FNIP2: variants seen among roughly 807,000 people sequenced by gnomAD.
FNIP2 encodes folliculin interacting protein 2.
FNIP2 carries 32 observed loss-of-function variants against 108.7 expected under a neutral mutation model. That is an observed-to-expected ratio of 0.29 (90% CI 0.22 to 0.40). FNIP2 has a LOEUF of 0.40. Among genes scored for constraint, FNIP2 ranks in the 10% least tolerant of loss-of-function variants. The pLI, the probability that FNIP2 is intolerant of heterozygous loss-of-function variation, is 1.00. For missense variants in FNIP2, 1,202 were observed against 1,381.6 expected, an observed-to-expected ratio of 0.87 and a Z score of 2.06; for synonymous variants, 480 against 496.7, an observed-to-expected ratio of 0.97 and a Z score of 0.45.
chr4:158,829,646 T>C (rs141512491), intron 3 of FNIP2, among the ~76,000 whole-genome samples: 95 of 152,144 alleles, frequency 6.2e-4, no homozygotes, highest in African/African-American at 2.2e-3. Context: ...CAGAAAGAAA[T>C]GGCAAGATCT....
At position 158,881,430 on chromosome 4, in the gene FNIP2, ACGG is replaced by A. The variant is rs1432745727; in HGVS notation, c.2950-10015_2950-10013del. Among the ~76,000 whole-genome samples the A allele has an allele frequency of 9.9e-5, 11 of 110,814 alleles. No homozygotes were observed. The South Asian group carries it at 2.3e-3, about 23-fold the overall frequency. 72.7% of individuals were successfully genotyped at this position (110,814 alleles called of 152,430 possible). A position where few individuals can be genotyped will look rare whatever the true frequency, so the allele number is the denominator to read the frequency against. Reference sequence around the variant, plus strand: ...ACGGTCTCCCTCTCCCTCTCTTTCCACGGTCTCCCTCTCCCTCTCTTTCCACGG... The same window carrying A: ...ACGGTCTCCCTCTCCCTCTCTTTCCATCTCCCTCTCCCTCTCTTTCCACGG... On this transcript the variant is annotated intron_variant, in intron 14 of 16. Coordinates refer to ENST00000264433, the MANE Select transcript of FNIP2 (RefSeq NM_020840.3).
chr4:158,899,290 G>T (rs2126795482), intron 16 of FNIP2, among the ~76,000 whole-genome samples: 1 of 152,310 alleles, frequency 6.6e-6, no homozygotes, highest in African/African-American at 2.4e-5. Flanking sequence ...GTTCATCAGG[G>T]ATATTGGCCT....
intron 14 of FNIP2, chr4:158,872,775 T>C (rs1781035161): frequency 1.0e-6 from 1 of 960,582 alleles, no homozygotes; most frequent in African/African-American, 1.8e-5. Flanking sequence ...ACTTTCAACA[T>C]CCATTTACAA....
chr4:158,776,771 G>A (rs998070322), intron 1 of FNIP2, among the ~76,000 whole-genome samples: 4 of 152,286 alleles, frequency 2.6e-5, no homozygotes, highest in Non-Finnish European at 4.4e-5. Flanking sequence ...GCAGGAAGTT[G>A]GCGTTTAATA....
At chr4:158,775,656 GA>G (rs1775837457) in intron 1 of FNIP2, among the ~76,000 whole-genome samples, 1 of 152,134 alleles carries the variant, frequency 6.6e-6, no homozygotes, top group Non-Finnish European at 1.5e-5. Flanking sequence ...ATGGACTTCT[GA>G]AAAGGACAAT....
At chr4:158,805,736 G>A (rs1405002660) in intron 1 of FNIP2, among the ~76,000 whole-genome samples, 2 of 152,196 alleles carry the variant, frequency 1.3e-5, no homozygotes, top group Admixed American at 1.3e-4. Flanking sequence ...GCCAATGTCA[G>A]AACAACCTTG....
intron 16 of FNIP2, among the ~76,000 whole-genome samples, chr4:158,899,479 C>T (rs1383617879): frequency 2.6e-5 from 4 of 152,186 alleles, no homozygotes; most frequent in African/African-American, 7.2e-5. Flanking sequence ...CCATCTGGTC[C>T]TGGACATTTT....
chr4:158,869,728 T>C (rs549763532), intron 13 of FNIP2, among the ~76,000 whole-genome samples: 1 of 152,134 alleles, frequency 6.6e-6, no homozygotes, highest in East Asian at 1.9e-4. Flanking sequence ...GGGGAGGGAA[T>C]AGGGAGTTTA....
intron 14 of FNIP2, chr4:158,872,732 G>A: frequency 1.0e-6 from 1 of 964,966 alleles, no homozygotes. Flanking sequence ...GTCTATGGTA[G>A]TGTTTTTTTT....
intron 1 of FNIP2, among the ~76,000 whole-genome samples, chr4:158,802,293 T>A (rs966092320): frequency 6.6e-6 from 1 of 152,196 alleles, no homozygotes; most frequent in African/African-American, 2.4e-5. Flanking sequence ...CTGTGGATCT[T>A]AAACCTCCCC....
intron 1 of FNIP2, among the ~76,000 whole-genome samples, chr4:158,809,748 C>G (rs1777172134): frequency 2.0e-5 from 3 of 152,170 alleles, no homozygotes; most frequent in African/African-American, 7.2e-5. Flanking sequence ...GGAACTGAAA[C>G]AGAGCACTTC....
chr4:158,901,169 G>A (rs1313308563), intron 16 of FNIP2, among the ~76,000 whole-genome samples: 1 of 119,274 alleles, frequency 8.4e-6, no homozygotes, highest in Non-Finnish European at 1.6e-5. Flanking sequence ...GTCTTGCTCT[G>A]TTGCCCAGGC....
In FNIP2 at chr4:158,835,407, C is replaced by T; in HGVS notation, c.658C>T (p.His220Tyr). ...GPCRTGSNLA[H>Y]STPVDMPSRG... ...GTTTTCTTGTTCCTTTATCTTAGCACACAGCACACCAGTTGATATGCCAAG... is the reference window on the plus strand; with the variant it reads ...GTTTTCTTGTTCCTTTATCTTAGCATACAGCACACCAGTTGATATGCCAAG... Residue 220 changes from histidine to tyrosine, a missense_variant and splice_region_variant, in exon 7 of 17, where the codon CAC (histidine) becomes TAC (tyrosine). By Grantham distance (83) the His-to-Tyr change is moderately conservative. Transcript: ENST00000264433. 1 of 1,611,992 alleles carries T rather than the reference C, an allele frequency of 6.2e-7. No individual in the cohort carries two copies. The highest frequency in any genetic ancestry group is 8.5e-7 in the Non-Finnish European group (1 of 1,178,768).
In FNIP2 at chr4:158,869,522, T is replaced by C. The variant is rs1026925612; in HGVS notation, c.2792+94T>C. The C allele has an allele frequency of 3.6e-6, 5 of 1,404,458 alleles. No individual in the cohort carries two copies. In the African/African-American group the frequency reaches 7.2e-5, roughly 20 times the overall value. The allele number at this position is 1,404,458 out of a possible 1,614,324, so 87.0% of individuals were successfully genotyped here. A position where few individuals can be genotyped will look rare whatever the true frequency, so the allele number is the denominator to read the frequency against. On this transcript the variant is annotated intron_variant, in intron 13 of 16. Coordinates refer to ENST00000264433, the MANE Select transcript of FNIP2 (RefSeq NM_020840.3). ...GATGTTGTTAGCCACTACTATTGTCTGCTTTACACACAGTATCTTTTTTTC... is the reference window on the plus strand; with the variant it reads ...GATGTTGTTAGCCACTACTATTGTCCGCTTTACACACAGTATCTTTTTTTC...
intron 1 of FNIP2, among the ~76,000 whole-genome samples, chr4:158,786,411 G>A (rs538159746): frequency 6.6e-6 from 1 of 152,304 alleles, no homozygotes; most frequent in African/African-American, 2.4e-5. Flanking sequence ...TTGCACAGGA[G>A]ATTCAGATGA....
At chr4:158,819,560 A>G (rs954359796) in intron 1 of FNIP2, among the ~76,000 whole-genome samples, 3 of 152,270 alleles carry the variant, frequency 2.0e-5, no homozygotes, top group Non-Finnish European at 4.4e-5. Context: ...CTGAGGCTGT[A>G]TAAGTGCAAA....
chr4:158,862,259 A>G (rs150170478), intron 12 of FNIP2, among the ~76,000 whole-genome samples: 28 of 152,294 alleles, frequency 1.8e-4, no homozygotes, highest in African/African-American at 6.7e-4. Flanking sequence ...GGAAAGCAGC[A>G]TGCTATAATA....
At chr4:158,779,634 A>G (rs1775971116) in intron 1 of FNIP2, among the ~76,000 whole-genome samples, 1 of 149,578 alleles carries the variant, frequency 6.7e-6, no homozygotes, top group African/African-American at 2.5e-5. Context: ...CAGTGGTACA[A>G]TCACAGTTCA....
At chr4:158,861,546 C>T in intron 11 of FNIP2, 58 bp downstream of exon 11, 1 of 1,613,556 alleles carries the variant, frequency 6.2e-7, no homozygotes, top group Non-Finnish European at 8.5e-7. Flanking sequence ...GTGTGTACTG[C>T]ATAGGATGTG....
Sources: allele counts gnomAD v4.1 joint callset (sites outside exome capture counted in the v4.1 genomes callset), GRCh38; gene constraint gnomAD v4.1.1; transcripts MANE v1.5; gene names NCBI Gene and HGNC (gene_info 2026-07-23, HGNC 2026-07-21).